Variants in NALCN observed in about 807,000 individuals in gnomAD.
NALCN encodes the protein sodium leak channel NALCN.
In NALCN, 111 loss-of-function variants were observed where a neutral mutation model predicts 225.3. That is an observed-to-expected ratio of 0.49 (90% CI 0.42 to 0.58). NALCN has a LOEUF of 0.58. NALCN is among the 20% of genes least tolerant of loss of function. The probability of loss-of-function intolerance (pLI) is 0.00; values close to 1 mark genes in which losing one functional copy is unlikely to be tolerated. For synonymous variants in NALCN, 764 were observed against 769.0 expected (o/e 0.99, Z 0.11); for missense variants, 1,378 against 2,202.4 (o/e 0.63, Z 7.49).
chr13:101,082,582 T>A (rs1358127684), intron 33 of NALCN, among the ~76,000 whole-genome samples: 1 of 152,238 alleles, frequency 6.6e-6, no homozygotes, highest in East Asian at 1.9e-4. Flanking sequence ...AGGCCAATGT[T>A]CAGACACAAC....
chr13:101,294,497 C>T (rs1386309663), intron 7 of NALCN, among the ~76,000 whole-genome samples: 2 of 147,102 alleles, frequency 1.4e-5, no homozygotes, highest in African/African-American at 5.0e-5. Context: ...ATTATTTTCT[C>T]TTATTATCCT....
chr13:101,268,984 T>C (rs1400057887), intron 10 of NALCN, among the ~76,000 whole-genome samples: 1 of 152,156 alleles, frequency 6.6e-6, no homozygotes, highest in Non-Finnish European at 1.5e-5. Context: ...AACCTTTCAA[T>C]TAACTAACCT....
chr13:101,100,764 GA>G lies in NALCN; in HGVS notation c.3162+19del, dbSNP rs545181153. ...TTGGCCCTTAATTTTTATTTCAAAA[GA>G]CAGAAAGATACATCTTACCCTTCTA... On this transcript the variant is annotated intron_variant, in intron 27 of 43. Coordinates refer to ENST00000251127, the MANE Select transcript of NALCN (RefSeq NM_052867.4). 2.7e-4 allele frequency: 418 copies of G among 1,576,712 alleles called. 2 individuals are homozygous for G. The African/African-American group carries it at 5.3e-3, about 20-fold the overall frequency.
chr13:101,217,089 G>A (rs1594457445), intron 13 of NALCN, among the ~76,000 whole-genome samples: 2 of 152,198 alleles, frequency 1.3e-5, no homozygotes, highest in South Asian at 2.1e-4. Flanking sequence ...AAGATGGACA[G>A]TGAATGTTTA....
chr13:101,271,447 C>G (rs991253041), intron 10 of NALCN, among the ~76,000 whole-genome samples: 3 of 151,992 alleles, frequency 2.0e-5, no homozygotes, highest in Non-Finnish European at 2.9e-5. Flanking sequence ...TTTAGCTACC[C>G]CTTTCTACAT....
chr13:101,066,308 C>CAAAAAA (rs72260451), intron 39 of NALCN, among the ~76,000 whole-genome samples: 1 of 125,146 alleles, frequency 8.0e-6, no homozygotes, highest in African/African-American at 2.9e-5. Flanking sequence ...GACTCCATCT[C>CAAAAAA]AAAAAAAAAA....
intron 11 of NALCN, among the ~76,000 whole-genome samples, chr13:101,250,612 T>C (rs948255800): frequency 6.6e-5 from 10 of 152,052 alleles, no homozygotes; most frequent in African/African-American, 1.7e-4. Flanking sequence ...GAGTCTAAAA[T>C]TGAAAAAGCA....
At chr13:101,212,625 G>A (rs1293713615) in intron 13 of NALCN, among the ~76,000 whole-genome samples, 2 of 152,144 alleles carry the variant, frequency 1.3e-5, no homozygotes, top group African/African-American at 4.8e-5. Context: ...GGGTATATCA[G>A]ATATTTTGTG....
At chr13:101,367,852 C>T (rs928845382) in intron 6 of NALCN, among the ~76,000 whole-genome samples, 22 of 152,096 alleles carry the variant, frequency 1.4e-4, no homozygotes, top group Admixed American at 5.2e-4. Context: ...GAATAAAATG[C>T]CAACTTGTAA....
chr13:101,299,812 GT>G (rs2043885942), intron 7 of NALCN, among the ~76,000 whole-genome samples: 3 of 152,014 alleles, frequency 2.0e-5, no homozygotes, highest in Non-Finnish European at 2.9e-5. Flanking sequence ...TATACCATCT[GT>G]TATGCAGATT....
intron 13 of NALCN, among the ~76,000 whole-genome samples, chr13:101,206,156 T>A (rs1174612630): frequency 6.6e-6 from 1 of 152,044 alleles, no homozygotes; most frequent in Non-Finnish European, 1.5e-5. Context: ...ACTTAATTTT[T>A]AAAAGTTTTA....
intron 18 of NALCN, among the ~76,000 whole-genome samples, chr13:101,112,249 A>G (rs1004277379): frequency 2.0e-5 from 3 of 152,000 alleles, no homozygotes; most frequent in African/African-American, 7.2e-5. Context: ...AGAAACCTCA[A>G]TCTGAAGCTT....
intron 1 of NALCN, among the ~76,000 whole-genome samples, chr13:101,405,785 C>T (rs917883830): frequency 6.6e-6 from 1 of 152,162 alleles, no homozygotes; most frequent in African/African-American, 2.4e-5. Context: ...TGAATGTTAT[C>T]TCCTACTCAG....
At chr13:101,138,051 G>C (rs1217317240) in intron 17 of NALCN, among the ~76,000 whole-genome samples, 1 of 152,136 alleles carries the variant, frequency 6.6e-6, no homozygotes, top group Non-Finnish European at 1.5e-5. Context: ...TCTGCCTGGG[G>C]TGCTTTCTTC....
intron 40 of NALCN, 28 bp from the exon 41 acceptor site, chr13:101,062,146 C>T: frequency 6.2e-7 from 1 of 1,611,468 alleles, no homozygotes; most frequent in Non-Finnish European, 8.5e-7. Flanking sequence ...CCTGCAATCG[C>T]AGCTCTGATT....
chr13:101,371,493 C>CTCTTAT (rs1318438869), intron 6 of NALCN, among the ~76,000 whole-genome samples: 2 of 152,042 alleles, frequency 1.3e-5, no homozygotes, highest in African/African-American at 4.8e-5. Context: ...TTGATCAACT[C>CTCTTAT]TTTTATTTTT....
intron 3 of NALCN, among the ~76,000 whole-genome samples, chr13:101,391,768 A>G (rs999257911): frequency 2.6e-5 from 4 of 151,340 alleles, no homozygotes; most frequent in African/African-American, 7.4e-5. Flanking sequence ...GTGGATCACA[A>G]GGTCAGGAGA....
At chr13:101,211,931 A>G (rs951006575) in intron 13 of NALCN, among the ~76,000 whole-genome samples, 1 of 152,034 alleles carries the variant, frequency 6.6e-6, no homozygotes, top group Admixed American at 6.6e-5. Context: ...CATAGAAATA[A>G]CATTTCTTCC....
intron 37 of NALCN, 123 bp from the exon 38 acceptor site, chr13:101,068,950 T>C (rs751785672): frequency 7.8e-5 from 84 of 1,072,818 alleles, no homozygotes; most frequent in Non-Finnish European, 1.0e-4. Context: ...CAAAGTAAGC[T>C]TTCAAAAGCC....
Sources: allele counts gnomAD v4.1 joint callset (sites outside exome capture counted in the v4.1 genomes callset), GRCh38; gene constraint gnomAD v4.1.1; transcripts MANE v1.5; gene names NCBI Gene and HGNC (gene_info 2026-07-23, HGNC 2026-07-21).